NINJ2: variants seen among roughly 807,000 people sequenced by gnomAD.
NINJ2 encodes ninjurin 2, also known as ninjurin-2.
NINJ2 carries 12 observed loss-of-function variants against 11.7 expected under a neutral mutation model. The ratio of observed to expected loss-of-function variants is 1.02; its 90% CI spans 0.66 to 1.66. The LOEUF is 1.66. NINJ2 is among the 40% of genes most tolerant of loss of function. The pLI is 0.00. For synonymous variants in NINJ2, 93 were observed against 76.8 expected, an observed-to-expected ratio of 1.21 and a Z score of -1.10; for missense variants, 187 against 181.8, an observed-to-expected ratio of 1.03 and a Z score of -0.16.
chr12:641,228 C>T (rs1431245532), intron 1 of NINJ2, among the ~76,000 whole-genome samples: 1 of 152,212 alleles, frequency 6.6e-6, no homozygotes, highest in Non-Finnish European at 1.5e-5. Flanking sequence ...CCTTCTGGAA[C>T]AGCCCTACCT....
chr12:574,644 C>G (rs1947428468), intron 1 of NINJ2, among the ~76,000 whole-genome samples: 1 of 152,202 alleles, frequency 6.6e-6, no homozygotes, highest in African/African-American at 2.4e-5. Context: ...TGAAGGCCCT[C>G]ACCAGATGCC....
At position 614,907 on chromosome 12, in the gene NINJ2, A is replaced by T. The variant is rs1282324062; in HGVS notation, c.33+48421T>A. ...GCAAAGACAAGGAAGCTGCTGGCTCATGGAGGCTGTGGTCCCGAGCTCAAA... is the reference window on the plus strand; with the variant it reads ...GCAAAGACAAGGAAGCTGCTGGCTCTTGGAGGCTGTGGTCCCGAGCTCAAA... On this transcript the variant is annotated intron_variant, in intron 1 of 3. Coordinates refer to ENST00000305108, the MANE Select transcript of NINJ2 (RefSeq NM_016533.6). This position sits in a 1 kb window ranked among gnomAD's most constrained non-coding sequence, Gnocchi z 5.1. Among the ~76,000 whole-genome samples, 2 of 152,174 alleles carry T rather than the reference A, an allele frequency of 1.3e-5. No homozygotes were observed. The highest frequency in any genetic ancestry group is 4.8e-5 in the African/African-American group (2 of 41,438).
chr12:566,300 G>A (rs1248138279), intron 1 of NINJ2, 122 bp from the exon 2 acceptor site: 2 of 740,846 alleles, frequency 2.7e-6, no homozygotes, highest in African/African-American at 1.8e-5. Context: ...CAGGGCAAAT[G>A]ACACCCTTAG....
At position 581,672 on chromosome 12, in the gene NINJ2, C is replaced by T. The variant is rs922241140; in HGVS notation, c.34-15494G>A. 2.0e-5 allele frequency among the ~76,000 whole-genome samples: 3 copies of T among 152,130 alleles called. No homozygotes were observed. The highest frequency in any genetic ancestry group is 6.5e-5 in the Admixed American group (1 of 15,284). On this transcript the variant is annotated intron_variant, in intron 1 of 3. Coordinates refer to ENST00000305108, the MANE Select transcript of NINJ2 (RefSeq NM_016533.6). This position sits in a 1 kb window ranked among gnomAD's most constrained non-coding sequence, Gnocchi z 4.9. The stretch of plus-strand genomic sequence containing the variant: ...GGGGAGAAGGTAAGCAGGGGAGGGC[C>T]GGCAAGTGGGTGCAGGGATCTGATC...
At chr12:597,001 T>C (rs1339926079) in intron 1 of NINJ2, among the ~76,000 whole-genome samples, 1 of 152,064 alleles carries the variant, frequency 6.6e-6, no homozygotes, top group Non-Finnish European at 1.5e-5. Flanking sequence ...TTCTGTCACA[T>C]GAAAAACTTG....
intron 1 of NINJ2, among the ~76,000 whole-genome samples, chr12:622,738 C>T (rs986751925): frequency 2.0e-5 from 3 of 152,000 alleles, no homozygotes; most frequent in Admixed American, 6.5e-5. Flanking sequence ...AGGTGATGGA[C>T]CCCCTACCTC....
chr12:656,114 C>T (rs1299937583), intron 1 of NINJ2, among the ~76,000 whole-genome samples: 1 of 151,940 alleles, frequency 6.6e-6, no homozygotes, highest in East Asian at 1.9e-4. Flanking sequence ...CCTGTAATCC[C>T]AGCACTTCGG....
At chr12:579,417 A>T (rs541142655) in intron 1 of NINJ2, among the ~76,000 whole-genome samples, 1 of 152,312 alleles carries the variant, frequency 6.6e-6, no homozygotes, top group East Asian at 1.9e-4. Flanking sequence ...GTGAAAGAAA[A>T]CTAGACTCTT....
At chr12:647,598 T>C (rs1320720744) in intron 1 of NINJ2, among the ~76,000 whole-genome samples, 1 of 152,202 alleles carries the variant, frequency 6.6e-6, no homozygotes, top group Non-Finnish European at 1.5e-5. Flanking sequence ...TCTGGGTGCG[T>C]TGCTTACTCC....
intron 1 of NINJ2, among the ~76,000 whole-genome samples, chr12:566,554 G>T (rs1947303578): frequency 6.6e-6 from 1 of 152,162 alleles, no homozygotes; most frequent in African/African-American, 2.4e-5. Flanking sequence ...TCCTCTGAGA[G>T]GAAAGCACCT....
intron 1 of NINJ2, among the ~76,000 whole-genome samples, chr12:588,212 C>T (rs563837959): frequency 3.3e-5 from 5 of 149,536 alleles, no homozygotes; most frequent in South Asian, 2.1e-4. Context: ...ACGGAAGGGA[C>T]GGAGGGGACG....
chr12:610,219 GAC>G, intron 1 of NINJ2: 2 of 783,184 alleles, frequency 2.6e-6, no homozygotes, highest in Non-Finnish European at 4.3e-6. Context: ...ACACCCAGCA[GAC>G]ACAGAATCAA....
Position 622,977 on chromosome 12 carries a change from T to G in NINJ2, c.33+40351A>C, listed in dbSNP as rs1475120585. ...TCCTAGTTGTCCATAGATCTAAGCT[T>G]TTTCTAAAAGTCCCATGGAACTTGT... On this transcript the variant is annotated intron_variant, in intron 1 of 3. Coordinates refer to ENST00000305108, the MANE Select transcript of NINJ2 (RefSeq NM_016533.6). Among the ~76,000 whole-genome samples the G allele has an allele frequency of 2.0e-5, 3 of 152,088 alleles. No homozygotes were observed. In the East Asian group the frequency reaches 5.8e-4, roughly 29 times the overall value.
intron 1 of NINJ2, among the ~76,000 whole-genome samples, chr12:583,834 G>T (rs940917200): frequency 1.3e-5 from 2 of 152,152 alleles, no homozygotes; most frequent in Non-Finnish European, 2.9e-5. Flanking sequence ...TAGCTGCATG[G>T]CTTGGGAGCT....
chr12:643,592 G>C (rs1402717416), intron 1 of NINJ2: 4 of 988,070 alleles, frequency 4.0e-6, no homozygotes, highest in Non-Finnish European at 4.8e-6. Context: ...ACCGAGGCTC[G>C]GAGAGATGAA....
chr12:617,808 A>G (rs563949410), intron 1 of NINJ2, among the ~76,000 whole-genome samples: 1 of 152,008 alleles, frequency 6.6e-6, no homozygotes, highest in Non-Finnish European at 1.5e-5. Context: ...CCTGCCTCCT[A>G]AGAAGGGGCC....
At chr12:600,450 G>T (rs1947851120) in intron 1 of NINJ2, among the ~76,000 whole-genome samples, 1 of 152,156 alleles carries the variant, frequency 6.6e-6, no homozygotes, top group African/African-American at 2.4e-5. Flanking sequence ...CAGCTACTCA[G>T]GAGGCTGAGG....
intron 1 of NINJ2, among the ~76,000 whole-genome samples, chr12:616,849 G>A (rs6489662): frequency 3.3e-5 from 5 of 152,160 alleles, no homozygotes; most frequent in East Asian, 1.9e-4. Context: ...ATCAAAAGAC[G>A]CTAAAAGCTT....
chr12:617,539 G>C (rs552459906), intron 1 of NINJ2, among the ~76,000 whole-genome samples: 1 of 152,336 alleles, frequency 6.6e-6, no homozygotes, highest in East Asian at 1.9e-4. Context: ...TGACATTAGA[G>C]GATGCCTGTG....
Sources: allele counts gnomAD v4.1 joint callset (sites outside exome capture counted in the v4.1 genomes callset), GRCh38; gene constraint gnomAD v4.1.1; non-coding constraint Gnocchi (gnomAD v3.1); transcripts MANE v1.5; gene names NCBI Gene and HGNC (gene_info 2026-07-23, HGNC 2026-07-21).